The following BAZ2A variants were observed in gnomAD, a reference collection of about 807,000 sequenced individuals.
The protein encoded by BAZ2A is bromodomain adjacent to zinc finger domain 2A, also known as bromodomain adjacent to zinc finger domain protein 2A.
Under a neutral mutation model 199.9 loss-of-function variants are expected in BAZ2A, and 34 were observed. That is an observed-to-expected ratio of 0.17 (90% CI 0.13 to 0.23). The LOEUF is 0.23. BAZ2A is among the 10% of genes least tolerant of loss of function. BAZ2A has a pLI of 1.00. For synonymous variants in BAZ2A, 857 were observed against 883.9 expected (o/e 0.97, Z 0.54); for missense variants, 2,002 against 2,391.1 (o/e 0.84, Z 3.39).
At chr12:56,613,886 G>A (rs1163074217) in intron 4 of BAZ2A, 67 bp downstream of exon 4, 20 of 1,493,016 alleles carry the variant, frequency 1.3e-5, no homozygotes, top group African/African-American at 2.8e-5. Flanking sequence ...CCATTTTACT[G>A]TCTCTTTCAG....
chr12:56,618,833 G>T (rs1302498139), intron 1 of BAZ2A, among the ~76,000 whole-genome samples: 1 of 151,856 alleles, frequency 6.6e-6, no homozygotes, highest in African/African-American at 2.4e-5. Flanking sequence ...TTGCGCCATT[G>T]CACTCCAGCC....
At chr12:56,614,159 C>A (rs768552228) in intron 3 of BAZ2A, 21 bp from the exon 4 acceptor site, 12 of 1,606,506 alleles carry the variant, frequency 7.5e-6, no homozygotes, top group Non-Finnish European at 4.3e-6. Flanking sequence ...ACAGGAGAGA[C>A]CAAAAGTCAA....
At chr12:56,622,340 C>CAA in intron 1 of BAZ2A, among the ~76,000 whole-genome samples, 1 of 142,838 alleles carries the variant, frequency 7.0e-6, no homozygotes, top group African/African-American at 2.6e-5. Context: ...ACTCTATCTC[C>CAA]AAAAAAAAAA....
intron 1 of BAZ2A, among the ~76,000 whole-genome samples, chr12:56,621,513 T>C (rs1346549499): frequency 6.6e-6 from 1 of 152,116 alleles, no homozygotes; most frequent in Non-Finnish European, 1.5e-5. Flanking sequence ...AACTCTACTA[T>C]TTACTAGCTA....
At chr12:56,622,208 C>T (rs553028272) in intron 1 of BAZ2A, among the ~76,000 whole-genome samples, 366 of 151,958 alleles carry the variant, frequency 2.4e-3, no homozygotes, top group Non-Finnish European at 4.0e-3. Context: ...GGCGTGGTGG[C>T]GGGCACCTGT....
Position 56,609,799 on chromosome 12 carries a change from C to A in BAZ2A, c.2029G>T (p.Val677Phe), listed in dbSNP as rs1344250791. ...TTGTTCAATAGCTCAGTGATTTTGA[C>A]CTTAGGTGGCCGACCTCGACCCCGT... Reference protein sequence around the residue: ...VKRGRGRPPKVKITELLNKTD... With the variant: ...VKRGRGRPPKFKITELLNKTD... The change falls in exon 10 of 29, where the codon GTC becomes TTC. Residue 677 changes from valine to phenylalanine, a missense_variant. This residue lies in a region of BAZ2A where 1,081 missense variants were observed against 1,274.7 expected (regional missense o/e 0.85). Transcript: ENST00000549884. 1 of 1,613,876 alleles carries A rather than the reference C, an allele frequency of 6.2e-7. No homozygotes were observed. Among genetic ancestry groups the A allele is most frequent in the Admixed American group, 1.7e-5 (1 of 60,008 alleles).
chr12:56,600,877 C>G, intron 22 of BAZ2A, 45 bp from the exon 23 acceptor site: 1 of 1,611,286 alleles, frequency 6.2e-7, no homozygotes, highest in Non-Finnish European at 8.5e-7. Context: ...AGGCTGTTGT[C>G]CCTAGCAGCA....
Position 56,604,197 on chromosome 12 carries a change from ACT to A in BAZ2A, c.3038+18_3038+19del, listed in dbSNP as rs1026670477. ...CCACTTCTCTCCTCTCTGAGGCTCT[ACT>A]CTCTGTCTGGTCCCTACCTCCGGAG... On this transcript the variant is annotated intron_variant, in intron 16 of 28. Transcript: ENST00000549884. The A allele has an allele frequency of 1.9e-6, 3 of 1,591,448 alleles. No individual in the cohort carries two copies. The highest frequency in any genetic ancestry group is 1.3e-5 in the African/African-American group (1 of 74,456).
At position 56,597,562 on chromosome 12, in the gene BAZ2A, G is replaced by GCACACACACACACACACACA. The variant is rs56185332; in HGVS notation, c.*1036_*1055dup. On this transcript the variant is annotated 3_prime_UTR_variant, in exon 29 of 29. Coordinates refer to ENST00000549884, the MANE Select transcript of BAZ2A (RefSeq NM_001300905.2). ...TCAAACAATACAGGGTCACAAGCAC[G>GCACACACACACACACACACA]CACACACACACACACACACAGCGCG... is the stretch of plus-strand genomic sequence containing the variant. 45 of 138,716 alleles carry GCACACACACACACACACACA rather than the reference G, an allele frequency of 3.2e-4. No individual in the cohort carries two copies. The highest frequency in any genetic ancestry group is 1.7e-3 in the East Asian group (8 of 4,740). 8.6% of individuals were successfully genotyped at this position (138,716 alleles called of 1,614,324 possible). A position where few individuals can be genotyped will look rare whatever the true frequency, so the allele number is the denominator to read the frequency against.
chr12:56,613,258 G>A (rs1950617719), intron 4 of BAZ2A, 25 bp from the exon 5 acceptor site: 2 of 1,605,620 alleles, frequency 1.2e-6, no homozygotes, highest in Non-Finnish European at 1.7e-6. Context: ...AGAAAAATCA[G>A]AGCAGGATAA....
chr12:56,614,828 T>C (rs1482506068), intron 3 of BAZ2A, 186 bp downstream of exon 3: 2 of 672,530 alleles, frequency 3.0e-6, no homozygotes, highest in Non-Finnish European at 5.0e-6. Context: ...GCACTCCCAC[T>C]CGCGAGCTGG....
chr12:56,612,222 C>T lies in BAZ2A; in HGVS notation c.1160G>A (p.Gly387Asp), dbSNP rs376309949. 90 of 1,613,326 alleles carry T rather than the reference C, an allele frequency of 5.6e-5. 1 individual carries two copies. The Admixed American group carries it at 6.2e-4, about 11-fold the overall frequency. Residue 387 changes from glycine to aspartate, a missense_variant, in exon 6 of 29, where the codon GGT becomes GAT. By Grantham distance (94) the Gly-to-Asp change is moderately conservative. Coordinates refer to ENST00000549884, the MANE Select transcript of BAZ2A (RefSeq NM_001300905.2). ...CATTTCTTCCTGTTCAGCGTCACTA[C>T]CATTATTCAGGTCAAAGCTGTTATC... ...LQDNSFDLNN[G>D]SDAEQEEMET... is the part of the protein sequence containing the mutation.
rs191031586 is a variant in BAZ2A, at chr12:56,597,625, C to T, written c.*993G>A. On this transcript the variant is annotated 3_prime_UTR_variant, in exon 29 of 29. Coordinates refer to ENST00000549884, the MANE Select transcript of BAZ2A (RefSeq NM_001300905.2). The stretch of plus-strand genomic sequence containing the variant: ...GACACACACACACACACACACAGCG[C>T]GCTCTGAGGCCGACACACACACACA... 4.2e-3 allele frequency: 477 copies of T among 112,314 alleles called. 3 individuals are homozygous for T. The highest frequency in any genetic ancestry group is 0.037 in the Middle Eastern group (9 of 242). 7.0% of individuals were successfully genotyped at this position (112,314 alleles called of 1,614,324 possible). A position where few individuals can be genotyped will look rare whatever the true frequency, so the allele number is the denominator to read the frequency against.
At chr12:56,636,057 CCAGAGT>C (rs1951441842) in intron 1 of BAZ2A, 13 of 1,221,898 alleles carry the variant, frequency 1.1e-5, no homozygotes, top group Non-Finnish European at 1.4e-5. Context: ...CCCCCGTCCC[CCAGAGT>C]CCTGTTTCCT....
intron 1 of BAZ2A, among the ~76,000 whole-genome samples, chr12:56,624,771 A>C (rs1292498468): frequency 6.6e-6 from 1 of 152,176 alleles, no homozygotes; most frequent in Non-Finnish European, 1.5e-5. Context: ...AAAGCCAATA[A>C]ATTAGCTAGG....
At position 56,611,566 on chromosome 12, in the gene BAZ2A, C is replaced by T. The variant is rs767246986; in HGVS notation, c.1670+7G>A. 7.4e-6 allele frequency: 12 copies of T among 1,610,826 alleles called. No homozygotes were observed. The South Asian group carries it at 1.3e-4, about 18-fold the overall frequency. ...GGTCAATAAATGTAGCAAACTAGAG[C>T]ATTTACCCATGTTGGAGGGGAAGAC... is the stretch of plus-strand genomic sequence containing the variant. On this transcript the variant is annotated splice_region_variant and intron_variant, in intron 7 of 28. Transcript: ENST00000549884.
At chr12:56,618,726 T>C (rs1950807527) in intron 1 of BAZ2A, among the ~76,000 whole-genome samples, 1 of 151,324 alleles carries the variant, frequency 6.6e-6, no homozygotes, top group Non-Finnish European at 1.5e-5. Context: ...AAAAATTAGC[T>C]GGGTGTGGTG....
chr12:56,632,892 A>G (rs1951353388), upstream of BAZ2A, among the ~76,000 whole-genome samples: 1 of 152,072 alleles, frequency 6.6e-6, no homozygotes, highest in South Asian at 2.1e-4. Flanking sequence ...CATCCAGACG[A>G]GAGAGGGCAG....
rs550220210 is a variant in BAZ2A at position 56,604,590 on chromosome 12, G to C, written c.2958C>G (p.Ile986Met). Residue 986 changes from isoleucine to methionine, a missense_variant, in exon 15 of 29, where the codon ATC becomes ATG. Physicochemically the swap from Ile to Met is conservative, Grantham distance 10 (BLOSUM62 1). Transcript: ENST00000549884. ...CCCCACTCCCAGCCTCTCACTTGAT[G>C]ATGAGGGTGGAGCCATTGAGCTCAT... ...LVHELNGSTL[I>M]INEIDKTLES... The C allele has an allele frequency of 2.5e-6, 4 of 1,581,260 alleles. No individual in the cohort carries two copies. The East Asian group carries it at 9.2e-5, about 36-fold the overall frequency.
Sources: gnomAD v4.1 joint callset for allele counts (sites outside exome capture counted in the v4.1 genomes callset) on GRCh38, gnomAD v4.1.1 for gene constraint, gnomAD v4.1.1 regional missense constraint, MANE v1.5 for transcripts, NCBI Gene and HGNC (gene_info 2026-07-23, HGNC 2026-07-21) for gene names.